Variants in LRRIQ3 observed in about 807,000 individuals in gnomAD.
The protein encoded by LRRIQ3 is leucine-rich repeat and IQ domain-containing protein 3.
Under a neutral mutation model 59.3 loss-of-function variants are expected in LRRIQ3, and 75 were observed. That is an observed-to-expected ratio of 1.26 (90% CI 1.05 to 1.53). LRRIQ3 has a LOEUF of 1.53. LRRIQ3 is among the 40% of genes most tolerant of loss of function. The probability of loss-of-function intolerance (pLI) is 0.00; values close to 1 mark genes in which losing one functional copy is unlikely to be tolerated. For synonymous variants in LRRIQ3, 250 were observed against 231.3 expected, an observed-to-expected ratio of 1.08 and a Z score of -0.73; for missense variants, 831 against 710.0, an observed-to-expected ratio of 1.17 and a Z score of -1.94.
intron 3 of LRRIQ3, among the ~76,000 whole-genome samples, chr1:74,160,847 T>C (rs1448067211): frequency 6.6e-6 from 1 of 152,086 alleles, no homozygotes; most frequent in African/African-American, 2.4e-5. Flanking sequence ...CTGTCACTTG[T>C]TCTATCGTCA....
intron 1 of LRRIQ3, among the ~76,000 whole-genome samples, chr1:74,187,738 A>C (rs1650498053): frequency 6.6e-6 from 1 of 152,088 alleles, no homozygotes; most frequent in Non-Finnish European, 1.5e-5. Context: ...CTATTGAAAT[A>C]AAAATTAAAA....
intron 6 of LRRIQ3, among the ~76,000 whole-genome samples, chr1:74,058,842 AATT>A (rs1379622314): frequency 8.5e-5 from 13 of 152,064 alleles, no homozygotes; most frequent in African/African-American, 2.4e-4. Context: ...AAATATGTAT[AATT>A]ATTATGTATT....
At chr1:74,182,059 T>C (rs1419336260) in intron 3 of LRRIQ3, 5 of 151,948 alleles carry the variant, frequency 3.3e-5, no homozygotes, top group Non-Finnish European at 5.9e-5. Flanking sequence ...AATTAGTCTG[T>C]ATCCGTTAAC....
At chr1:74,154,240 CAAAAAAAAAAAAAAAAAAAA>C (rs71078186) in intron 4 of LRRIQ3, among the ~76,000 whole-genome samples, 1,260 of 57,272 alleles carry the variant, frequency 0.022, 26 homozygotes, top group African/African-American at 0.039. Context: ...GACTCCTTCT[CAAAAAAAAAAAAAAAAAAAA>C]AAAAAAAAAA....
intron 3 of LRRIQ3, among the ~76,000 whole-genome samples, chr1:74,164,801 G>A (rs576300082): frequency 1.3e-5 from 2 of 151,576 alleles, no homozygotes; most frequent in South Asian, 2.1e-4. Context: ...TTACACAACT[G>A]CTTGACCTAT....
At chr1:74,061,521 C>A (rs1654720770) in intron 6 of LRRIQ3, among the ~76,000 whole-genome samples, 1 of 152,068 alleles carries the variant, frequency 6.6e-6, no homozygotes, top group Non-Finnish European at 1.5e-5. Flanking sequence ...GGAGGCATCA[C>A]ATTACCTGAC....
intron 6 of LRRIQ3, among the ~76,000 whole-genome samples, chr1:74,043,427 C>T (rs1170454242): frequency 2.6e-5 from 4 of 152,010 alleles, no homozygotes; most frequent in Admixed American, 6.6e-5. Flanking sequence ...AAGATTTTCA[C>T]GAAAGGCTAC....
At chr1:74,187,783 GT>G (rs902486433) in intron 1 of LRRIQ3, among the ~76,000 whole-genome samples, 15 of 152,196 alleles carry the variant, frequency 9.9e-5, no homozygotes, top group African/African-American at 2.9e-4. Context: ...ACAGATGCTG[GT>G]GATGTGGAGA....
At chr1:74,043,002 G>T (rs1654094037) in intron 6 of LRRIQ3, among the ~76,000 whole-genome samples, 1 of 151,998 alleles carries the variant, frequency 6.6e-6, no homozygotes, top group South Asian at 2.1e-4. Context: ...CATCCAAGTT[G>T]GGTCATTTAT....
chr1:74,087,907 G>A (rs1164761662), intron 5 of LRRIQ3, among the ~76,000 whole-genome samples: 1 of 151,782 alleles, frequency 6.6e-6, no homozygotes, highest in Non-Finnish European at 1.5e-5. Flanking sequence ...GACCAGCCTG[G>A]CCAATACGGT....
Position 74,155,809 on chromosome 1 carries a change from C to T in LRRIQ3, c.631G>A (p.Ala211Thr). 6.3e-7 allele frequency: 1 copy of T among 1,584,636 alleles called. No homozygotes were observed. The highest frequency in any genetic ancestry group is 1.4e-5 in the African/African-American group (1 of 73,720). ...ACTGGTGAATTATGAGCCAGAATTG[C>T]ATTAATTTTTGAAGTAATATGTTTA... ...NIKHITSKIN[A>T]ILAHNSPVLI... The change falls in exon 4 of 8, where the codon GCA (alanine) becomes ACA (threonine). Residue 211 changes from alanine to threonine, a missense_variant. Coordinates refer to ENST00000354431, the MANE Select transcript of LRRIQ3 (RefSeq NM_001105659.2).
At chr1:74,078,518 A>G (rs1646234421) in intron 5 of LRRIQ3, 3 of 151,906 alleles carry the variant, frequency 2.0e-5, no homozygotes, top group Admixed American at 2.0e-4. Flanking sequence ...ATTTTAAAAC[A>G]TGCATGATAA....
intron 4 of LRRIQ3, among the ~76,000 whole-genome samples, chr1:74,135,682 T>C (rs1388479109): frequency 6.6e-6 from 1 of 151,970 alleles, no homozygotes; most frequent in Non-Finnish European, 1.5e-5. Context: ...CAATTATAAA[T>C]TATTTGAGTT....
chr1:74,081,426 T>A (rs1646272210), intron 5 of LRRIQ3, among the ~76,000 whole-genome samples: 2 of 151,700 alleles, frequency 1.3e-5, no homozygotes, highest in African/African-American at 4.8e-5. Flanking sequence ...TGTAAATTAA[T>A]GATGCCTACT....
intron 6 of LRRIQ3, among the ~76,000 whole-genome samples, chr1:74,057,058 A>G (rs1042900903): frequency 2.6e-5 from 4 of 152,132 alleles, no homozygotes; most frequent in Non-Finnish European, 5.9e-5. Context: ...AGCCATGCAG[A>G]ACTGTGAGTC....
chr1:74,151,011 CTTTTTTTTT>C (rs59890149), intron 4 of LRRIQ3, among the ~76,000 whole-genome samples: 4 of 63,390 alleles, frequency 6.3e-5, no homozygotes, highest in Non-Finnish European at 3.0e-5. Flanking sequence ...ATGATGCTTT[CTTTTTTTTT>C]TTTTTTTTTT....
chr1:74,131,420 A>G (rs921570718), intron 4 of LRRIQ3, among the ~76,000 whole-genome samples: 1 of 152,046 alleles, frequency 6.6e-6, no homozygotes. Flanking sequence ...GAGACACAAC[A>G]AAAAAAGAGA....
At chr1:74,094,103 T>C (rs1486546190) in intron 5 of LRRIQ3, among the ~76,000 whole-genome samples, 1 of 152,010 alleles carries the variant, frequency 6.6e-6, no homozygotes, top group Non-Finnish European at 1.5e-5. Flanking sequence ...CTTTCCTCAG[T>C]ATGTGCACAT....
chr1:74,140,288 G>C (rs1406317013), intron 4 of LRRIQ3, among the ~76,000 whole-genome samples: 2 of 151,582 alleles, frequency 1.3e-5, no homozygotes, highest in East Asian at 3.9e-4. Context: ...ATCTGATAAA[G>C]TAAACTTTAA....
Sources: gnomAD v4.1 joint callset for allele counts (sites outside exome capture counted in the v4.1 genomes callset) on GRCh38, gnomAD v4.1.1 for gene constraint, MANE v1.5 for transcripts, NCBI Gene and HGNC (gene_info 2026-07-23, HGNC 2026-07-21) for gene names.